The following DOK6 variants were observed in gnomAD, a reference collection of about 807,000 sequenced individuals.
DOK6 encodes the protein downstream of tyrosine kinase 6.
In DOK6, 22 loss-of-function variants were observed where a neutral mutation model predicts 44.0. That is an observed-to-expected ratio of 0.50 (90% confidence interval 0.36 to 0.71). The LOEUF (loss-of-function observed/expected upper bound fraction) is 0.71. Ranked by LOEUF, DOK6 falls within the 30% of genes least tolerant of loss-of-function variation. The pLI, the probability that DOK6 is intolerant of heterozygous loss-of-function variation, is 0.00. For missense variants in DOK6, 340 were observed against 416.4 expected (o/e 0.82, Z 1.60); for synonymous variants, 166 against 145.5 (o/e 1.14, Z -1.01).
chr18:69,466,435 T>G (rs1450855867), intron 1 of DOK6, among the ~76,000 whole-genome samples: 1 of 152,180 alleles, frequency 6.6e-6, no homozygotes, highest in Admixed American at 6.5e-5. Context: ...AAAGATGGAT[T>G]TTATATCTTG....
rs776301094 is a variant in DOK6 at position 69,677,715 on chromosome 18, A to G, written c.290-19A>G. 1.2e-6 allele frequency: 2 copies of G among 1,612,490 alleles called. No individual in the cohort carries two copies. Among genetic ancestry groups the G allele is most frequent in the African/African-American group, 2.7e-5 (2 of 74,808 alleles). ...CCTAGGGAGCATTGCTTGACTGGTG[A>G]TGTTGTGGTTACTTTCAGAGCTGGA... On this transcript the variant is annotated intron_variant, in intron 3 of 7. Coordinates refer to ENST00000382713, the MANE Select transcript of DOK6 (RefSeq NM_152721.6).
At chr18:69,614,544 TTGTGTGTGTGTG>T (rs34596745) in intron 3 of DOK6, among the ~76,000 whole-genome samples, 4 of 149,016 alleles carry the variant, frequency 2.7e-5, no homozygotes, top group African/African-American at 4.9e-5. Flanking sequence ...TATTTTTTCT[TTGTGTGTGTGTG>T]TGTGTGTGTG....
At chr18:69,681,494 C>G (rs1266595109) in intron 4 of DOK6, among the ~76,000 whole-genome samples, 1 of 152,130 alleles carries the variant, frequency 6.6e-6, no homozygotes, top group African/African-American at 2.4e-5. Flanking sequence ...GACCCAGAAT[C>G]CCACATGGTA....
intron 1 of DOK6, among the ~76,000 whole-genome samples, chr18:69,422,136 CAT>C (rs1381324023): frequency 2.0e-5 from 3 of 152,168 alleles, no homozygotes; most frequent in South Asian, 2.1e-4. Context: ...GGGATCCACA[CAT>C]GTGTGTCTCC....
intron 1 of DOK6, among the ~76,000 whole-genome samples, chr18:69,408,338 C>T (rs965425918): frequency 1.3e-5 from 2 of 151,422 alleles, no homozygotes; most frequent in African/African-American, 4.9e-5. Flanking sequence ...TAATTTATGT[C>T]ACAATAAGGA....
intron 3 of DOK6, among the ~76,000 whole-genome samples, chr18:69,605,706 A>T (rs957352109): frequency 6.6e-6 from 1 of 152,172 alleles, no homozygotes; most frequent in Non-Finnish European, 1.5e-5. Context: ...CATGATAAAA[A>T]CTATGAGAAA....
intron 1 of DOK6, among the ~76,000 whole-genome samples, chr18:69,411,631 T>C (rs201503705): frequency 2.0e-5 from 3 of 152,190 alleles, no homozygotes; most frequent in Non-Finnish European, 2.9e-5. Flanking sequence ...TCTTTATCTT[T>C]GGTTTTCAGG....
chr18:69,601,662 A>G (rs542340707), intron 3 of DOK6, among the ~76,000 whole-genome samples: 1 of 152,334 alleles, frequency 6.6e-6, no homozygotes, highest in Non-Finnish European at 1.5e-5. Flanking sequence ...GCTTAACAAA[A>G]GCATTTAAAT....
intron 1 of DOK6, among the ~76,000 whole-genome samples, chr18:69,418,016 A>G (rs1449551811): frequency 6.6e-6 from 1 of 152,014 alleles, no homozygotes; most frequent in African/African-American, 2.4e-5. Flanking sequence ...TTTTCTCTTC[A>G]CTTGGCTGAT....
chr18:69,651,938 AATTTAAGTT>A (rs1198470833), intron 3 of DOK6, among the ~76,000 whole-genome samples: 2 of 65,460 alleles, frequency 3.1e-5, no homozygotes, highest in Non-Finnish European at 9.6e-5. Context: ...AAAGGAAACT[AATTTAAGTT>A]AGCCTTAAAA....
chr18:69,800,634 T>C (rs1476759630), intron 7 of DOK6, among the ~76,000 whole-genome samples: 1 of 152,178 alleles, frequency 6.6e-6, no homozygotes, highest in Non-Finnish European at 1.5e-5. Context: ...AGATAGATTG[T>C]TTTTCTTATT....
chr18:69,523,399 G>C (rs1981741678), intron 1 of DOK6, among the ~76,000 whole-genome samples: 1 of 151,926 alleles, frequency 6.6e-6, no homozygotes. Flanking sequence ...TTTCTAAACA[G>C]TTTTTTAAAG....
intron 1 of DOK6, among the ~76,000 whole-genome samples, chr18:69,441,549 T>A (rs1373096156): frequency 6.6e-6 from 1 of 152,178 alleles, no homozygotes. Context: ...ATACTGGACC[T>A]ACCTCCAATG....
chr18:69,569,361 C>A (rs760490677), intron 2 of DOK6, among the ~76,000 whole-genome samples: 36 of 152,130 alleles, frequency 2.4e-4, no homozygotes, highest in Non-Finnish European at 5.1e-4. Context: ...TGAGCCACAC[C>A]CCACCACAGG....
chr18:69,755,419 A>G (rs778439359), intron 6 of DOK6, among the ~76,000 whole-genome samples: 9 of 152,246 alleles, frequency 5.9e-5, no homozygotes, highest in Non-Finnish European at 1.3e-4. Flanking sequence ...AAATTATAAT[A>G]CATTAGAAAA....
At chr18:69,504,902 T>G (rs1183783183) in intron 1 of DOK6, among the ~76,000 whole-genome samples, 1 of 152,200 alleles carries the variant, frequency 6.6e-6, no homozygotes, top group Non-Finnish European at 1.5e-5. Flanking sequence ...AAGATGAGAT[T>G]GTCTGTGTCT....
At chr18:69,588,207 A>G (rs1289521537) in intron 2 of DOK6, among the ~76,000 whole-genome samples, 2 of 152,170 alleles carry the variant, frequency 1.3e-5, no homozygotes, top group Non-Finnish European at 2.9e-5. Context: ...GGCAAGCTCC[A>G]CTCTAAGCTT....
At chr18:69,644,010 G>T (rs1306696964) in intron 3 of DOK6, among the ~76,000 whole-genome samples, 2 of 152,078 alleles carry the variant, frequency 1.3e-5, no homozygotes, top group African/African-American at 2.4e-5. Flanking sequence ...AAGTGATTTT[G>T]AGCATATTTT....
At chr18:69,567,545 T>C (rs1166052732) in intron 2 of DOK6, among the ~76,000 whole-genome samples, 1 of 151,496 alleles carries the variant, frequency 6.6e-6, no homozygotes, top group Non-Finnish European at 1.5e-5. Flanking sequence ...GTGACTGGAG[T>C]GTAGGAAAAG....
Sources: allele counts gnomAD v4.1 joint callset (sites outside exome capture counted in the v4.1 genomes callset), GRCh38; gene constraint gnomAD v4.1.1; transcripts MANE v1.5; gene names NCBI Gene and HGNC (gene_info 2026-07-23, HGNC 2026-07-21).